The following SEPTIN10 variants were observed in gnomAD, a reference collection of about 807,000 sequenced individuals.
The protein encoded by SEPTIN10 is septin-10.
In SEPTIN10, 66 loss-of-function variants were observed where a neutral mutation model predicts 54.8. That is an observed-to-expected ratio of 1.21 (90% CI 0.99 to 1.48). The LOEUF (loss-of-function observed/expected upper bound fraction) is 1.48, where lower values mean the gene tolerates loss of function less well. SEPTIN10 is among the 40% of genes most tolerant of loss of function. The probability of loss-of-function intolerance (pLI) is 0.00; values close to 1 mark genes in which losing one functional copy is unlikely to be tolerated. For synonymous variants in SEPTIN10, 161 were observed against 181.0 expected, an observed-to-expected ratio of 0.89 and a Z score of 0.89; for missense variants, 620 against 545.6, an observed-to-expected ratio of 1.14 and a Z score of -1.36.
At position 109,574,663 on chromosome 2, in the gene SEPTIN10, T is replaced by C. The variant is rs746096708; in HGVS notation, c.518A>G (p.His173Arg). ...CGGTGAAATGAAGTAGAGACACACA[T>C]GGATGCGAGAATCATGGTAGGTAAA... Reference protein sequence around the residue: ...SLFTYHDSRIHVCLYFISPTG... With the variant: ...SLFTYHDSRIRVCLYFISPTG... The change falls in exon 5 of 11, where the codon CAT becomes CGT. Residue 173 changes from histidine to arginine, a missense_variant. Physicochemically the swap from His to Arg is conservative, Grantham distance 29. Coordinates refer to ENST00000397712, the MANE Select transcript of SEPTIN10 (RefSeq NM_144710.5). 1.2e-5 allele frequency: 19 copies of C among 1,609,664 alleles called. No homozygotes were observed. Among genetic ancestry groups the C allele is most frequent in the Admixed American group, 3.4e-5 (2 of 59,352 alleles).
rs1198064222 is a variant in SEPTIN10 at position 109,562,136 on chromosome 2, C to G, written c.1028+2230G>C. The stretch of plus-strand genomic sequence containing the variant: ...GCTGAGGCATGAGAATCGCTTGAAC[C>G]CAGGAGGCAGAGGTTGCAGTGAGCA... On this transcript the variant is annotated intron_variant, in intron 8 of 10. Transcript: ENST00000397712. 2.6e-5 allele frequency among the ~76,000 whole-genome samples: 4 copies of G among 152,052 alleles called. No homozygotes were observed. In the East Asian group the frequency reaches 7.7e-4, roughly 29 times the overall value.
intron 4 of SEPTIN10, among the ~76,000 whole-genome samples, chr2:109,580,735 G>A (rs1294453563): frequency 6.6e-6 from 1 of 152,196 alleles, no homozygotes; most frequent in East Asian, 1.9e-4. Context: ...TGAAAAAAAG[G>A]TTTTAAAACA....
intron 8 of SEPTIN10, 29 bp downstream of exon 8, chr2:109,564,337 T>G (rs1177528928): frequency 5.4e-6 from 8 of 1,495,228 alleles, no homozygotes; most frequent in Middle Eastern, 2.2e-4. Flanking sequence ...ACTTCCTCTT[T>G]GGTTGGCTTC....
chr2:109,544,885 T>G (rs1189680487), intron 10 of SEPTIN10: 5 of 899,728 alleles, frequency 5.6e-6, no homozygotes, highest in Non-Finnish European at 6.7e-6. Context: ...CTTGGAGAGC[T>G]TGCATTGAAA....
At chr2:109,582,886 C>A (rs1429613001) in intron 4 of SEPTIN10, among the ~76,000 whole-genome samples, 1 of 152,136 alleles carries the variant, frequency 6.6e-6, no homozygotes, top group East Asian at 1.9e-4. Context: ...CACCTACAGG[C>A]ATCTGATCTT....
At chr2:109,573,532 T>C (rs1688863347) in intron 5 of SEPTIN10, among the ~76,000 whole-genome samples, 1 of 152,206 alleles carries the variant, frequency 6.6e-6, no homozygotes, top group Non-Finnish European at 1.5e-5. Context: ...ACCAAGCAAC[T>C]AGTCAAAAGT....
intron 8 of SEPTIN10, among the ~76,000 whole-genome samples, chr2:109,559,662 A>G (rs2105002357): frequency 2.0e-5 from 3 of 152,230 alleles, no homozygotes; most frequent in Middle Eastern, 6.8e-3. Flanking sequence ...CCCCCATGGG[A>G]TACAGTCTTG....
At chr2:109,577,613 G>A (rs113462837) in intron 4 of SEPTIN10, among the ~76,000 whole-genome samples, 5 of 144,284 alleles carry the variant, frequency 3.5e-5, no homozygotes, top group Admixed American at 2.1e-4. Context: ...AAAAAAAAAA[G>A]AAAAAGAAAG....
At chr2:109,545,307 C>T in intron 10 of SEPTIN10, 1 of 1,453,008 alleles carries the variant, frequency 6.9e-7, no homozygotes, top group Non-Finnish European at 9.0e-7. Flanking sequence ...ACAAGGGACA[C>T]AAAGTACAGA....
intron 1 of SEPTIN10, among the ~76,000 whole-genome samples, 195 bp from the exon 2 acceptor site, chr2:109,593,314 T>A (rs570400062): frequency 5.3e-5 from 8 of 152,172 alleles, no homozygotes; most frequent in African/African-American, 1.9e-4. Flanking sequence ...ATAAGTAAAT[T>A]ACATATAATA....
At chr2:109,577,929 A>T (rs1690107237) in intron 4 of SEPTIN10, among the ~76,000 whole-genome samples, 3 of 151,724 alleles carry the variant, frequency 2.0e-5, no homozygotes, top group Non-Finnish European at 2.9e-5. Context: ...AAAAAAAAAA[A>T]AAAAAGAGTT....
At chr2:109,589,475 A>AGCCAAGATCCTGCCACTGT (rs1469830013) in intron 2 of SEPTIN10, among the ~76,000 whole-genome samples, 1 of 152,150 alleles carries the variant, frequency 6.6e-6, no homozygotes, top group Non-Finnish European at 1.5e-5. Flanking sequence ...AGTTGCAGTG[A>AGCCAAGATCCTGCCACTGT]GCCAAGATCC....
At chr2:109,562,999 C>T (rs1686066616) in intron 8 of SEPTIN10, among the ~76,000 whole-genome samples, 1 of 152,130 alleles carries the variant, frequency 6.6e-6, no homozygotes, top group African/African-American at 2.4e-5. Context: ...TAAACTCTGC[C>T]TCCCAGGTTC....
intron 4 of SEPTIN10, among the ~76,000 whole-genome samples, chr2:109,582,714 T>C (rs1345549984): frequency 1.3e-5 from 2 of 152,136 alleles, no homozygotes; most frequent in Non-Finnish European, 2.9e-5. Flanking sequence ...AGAGACTGAA[T>C]AGCCAAAGCA....
chr2:109,567,920 C>G lies in SEPTIN10; in HGVS notation c.657G>C (p.Gln219His). Residue 219 changes from glutamine to histidine, a missense_variant, in exon 6 of 11, where the codon CAG becomes CAC. Transcript: ENST00000397712. ...CACTCATGAGCTTGATCTTAAACTT[C>G]TGTAATTCAGTTTTAGAAACCGTAT... ...KADTVSKTEL[Q>H]KFKIKLMSEL... 1 of 1,613,860 alleles carries G rather than the reference C, an allele frequency of 6.2e-7. No individual in the cohort carries two copies. The highest frequency in any genetic ancestry group is 8.5e-7 in the Non-Finnish European group (1 of 1,179,842).
intron 1 of SEPTIN10, among the ~76,000 whole-genome samples, chr2:109,596,750 G>T (rs1359590073): frequency 6.6e-6 from 1 of 151,928 alleles, no homozygotes. Flanking sequence ...TTCATTTACT[G>T]TGTTTCTGAA....
chr2:109,599,774 C>A lies in SEPTIN10; in HGVS notation c.31-6655G>T, dbSNP rs919941. Among the ~76,000 whole-genome samples the A allele has an allele frequency of 4.6e-5, 7 of 152,014 alleles. No homozygotes were observed. In the South Asian group the frequency reaches 1.2e-3, roughly 27 times the overall value. The stretch of plus-strand genomic sequence containing the variant: ...TCTCAAGCTTAACAAAAGCTTGCAC[C>A]ATAACAATGACAGTTTAAAATACAA... On this transcript the variant is annotated intron_variant, in intron 1 of 10. Coordinates refer to ENST00000397712, the MANE Select transcript of SEPTIN10 (RefSeq NM_144710.5).
Position 109,603,242 on chromosome 2 carries a change from TA to T in SEPTIN10, c.31-10124del, listed in dbSNP as rs1285706361. Reference sequence around the variant, plus strand: ...TTATTATTATCATTATTAATATTATTATTTTTTTTTTTGAGACAGTCTCACT... The same window carrying T: ...TTATTATTATCATTATTAATATTATTTTTTTTTTTTTGAGACAGTCTCACT... On this transcript the variant is annotated intron_variant, in intron 1 of 10. Coordinates refer to ENST00000397712, the MANE Select transcript of SEPTIN10 (RefSeq NM_144710.5). Among the ~76,000 whole-genome samples, 14 of 152,086 alleles carry T rather than the reference TA, an allele frequency of 9.2e-5. No homozygotes were observed. In the South Asian group the frequency reaches 1.2e-3, roughly 14 times the overall value.
Position 109,588,850 on chromosome 2 carries a change from T to TAAA in SEPTIN10, c.100-3015_100-3013dup, listed in dbSNP as rs59135205. 4.9e-4 allele frequency among the ~76,000 whole-genome samples: 55 copies of TAAA among 111,440 alleles called. 1 individual carries two copies. The South Asian group carries it at 7.4e-3, about 15-fold the overall frequency. The allele number at this position is 111,440 out of a possible 152,430, so 73.1% of individuals were successfully genotyped here. On this transcript the variant is annotated intron_variant, in intron 2 of 10. Coordinates refer to ENST00000397712, the MANE Select transcript of SEPTIN10 (RefSeq NM_144710.5). The stretch of plus-strand genomic sequence containing the variant: ...AGTTAAAGCCTAGGTCAATTACTAT[T>TAAA]AAAAAAAAAAAAAAAAAAGCGAAAG...
Sources: allele counts gnomAD v4.1 joint callset (sites outside exome capture counted in the v4.1 genomes callset), GRCh38; gene constraint gnomAD v4.1.1; transcripts MANE v1.5; gene names NCBI Gene and HGNC (gene_info 2026-07-23, HGNC 2026-07-21).